Variants in SUN1 observed in about 807,000 individuals in gnomAD.
The protein encoded by SUN1 is SUN domain-containing protein 1.
Under a neutral mutation model 103.2 loss-of-function variants are expected in SUN1, and 61 were observed. The observed-to-expected ratio is 0.59, with a 90% CI of 0.48 to 0.73. The LOEUF (loss-of-function observed/expected upper bound fraction) is 0.73. SUN1 is among the 30% of genes least tolerant of loss of function. SUN1 has a pLI of 0.00. For missense variants in SUN1, 1,052 were observed against 1,034.6 expected, an observed-to-expected ratio of 1.02 and a Z score of -0.23; for synonymous variants, 490 against 425.7, an observed-to-expected ratio of 1.15 and a Z score of -1.86.
At chr7:821,361 G>A (rs538185592) in intron 1 of SUN1, among the ~76,000 whole-genome samples, 3 of 152,036 alleles carry the variant, frequency 2.0e-5, no homozygotes, top group Middle Eastern at 6.8e-3. Flanking sequence ...GTAGAGACAA[G>A]GTTTCACCAT....
At chr7:856,433 C>A in intron 12 of SUN1, 32 bp downstream of exon 12, 1 of 1,613,128 alleles carries the variant, frequency 6.2e-7, no homozygotes, top group South Asian at 1.1e-5. Flanking sequence ...TCACTTTTGT[C>A]TTCGGTGTGT....
At chr7:827,981 C>T (rs565621499), upstream of SUN1, among the ~76,000 whole-genome samples, 110 of 151,766 alleles carry the variant, frequency 7.2e-4, 1 homozygote, top group African/African-American at 2.3e-3. Context: ...ATGGGCTCAC[C>T]GCAACCTGCG....
intron 1 of SUN1, among the ~76,000 whole-genome samples, chr7:825,184 G>A (rs976438958): frequency 4.0e-5 from 6 of 151,642 alleles, no homozygotes; most frequent in East Asian, 1.9e-4. Flanking sequence ...TCAGCCTCCC[G>A]AGTAGCTGGG....
Position 869,493 on chromosome 7 carries a change from GC to G in SUN1, c.2130del (p.Lys711ArgfsTer8). 1 of 1,613,612 alleles carries G rather than the reference GC, an allele frequency of 6.2e-7. No homozygotes were observed. The highest frequency in any genetic ancestry group is 8.5e-7 in the Non-Finnish European group (1 of 1,179,756). ...TLSPTGNISSAPKDFAVYGLE... is the reference protein window; with the variant it reads ...TLSPTGNISSXPKDFAVYGLE... ...GTCGCCAACAGGCAACATCAGCAGCGCCCCCAAGGACTTCGCCGTCTATGTG... is the reference window on the plus strand; with the variant it reads ...GTCGCCAACAGGCAACATCAGCAGCGCCCCAAGGACTTCGCCGTCTATGTG... On this transcript the variant is annotated frameshift_variant, in exon 17 of 19. Coordinates refer to ENST00000401592, the MANE Select transcript of SUN1 (RefSeq NM_001130965.3). LOFTEE classifies it high-confidence loss of function.
At chr7:835,916 T>G (rs1203118810) in intron 1 of SUN1, among the ~76,000 whole-genome samples, 1 of 152,148 alleles carries the variant, frequency 6.6e-6, no homozygotes, top group Non-Finnish European at 1.5e-5. Context: ...GTGTTGGCTG[T>G]GGAAGCCGAA....
chr7:857,654 T>G (rs1340130196), intron 12 of SUN1, among the ~76,000 whole-genome samples, 174 bp from the exon 13 acceptor site: 1 of 152,226 alleles, frequency 6.6e-6, no homozygotes, highest in Admixed American at 6.5e-5. Context: ...ACAACCTCTC[T>G]GGGAACTGTA....
rs2128400420 is a variant in SUN1 at position 853,424 on chromosome 7, T to C, written c.1069T>C (p.Phe357Leu). The change falls in exon 10 of 19, where the codon TTT becomes CTT. Residue 357 changes from phenylalanine to leucine, a missense_variant. Coordinates refer to ENST00000401592, the MANE Select transcript of SUN1 (RefSeq NM_001130965.3). ...KQPLQGDSEAFPWHWMSGVEQ... is the reference protein window; with the variant it reads ...KQPLQGDSEALPWHWMSGVEQ... ...GCCATTTCAGGGTGACAGTGAGGCT[T>C]TTCCGTGGCATTGGATGAGTGGCGT... The C allele has an allele frequency of 2.5e-6, 4 of 1,613,848 alleles. No individual in the cohort carries two copies. Among genetic ancestry groups the C allele is most frequent in the Non-Finnish European group, 3.4e-6 (4 of 1,180,036 alleles).
rs1411580371 is a variant in SUN1, at chr7:842,071, G to A, written c.392G>A (p.Arg131Gln). ...AGCCTGCAGGATGCTGTGACTCGACGGCCTCCTGTATTGGACGAGTCTTGG... is the reference window on the plus strand; with the variant it reads ...AGCCTGCAGGATGCTGTGACTCGACAGCCTCCTGTATTGGACGAGTCTTGG... ...TVSLQDAVTRRPPVLDESWIR... is the reference protein window; with the variant it reads ...TVSLQDAVTRQPPVLDESWIR... Residue 131 changes from arginine to glutamine, a missense_variant, in exon 3 of 19, where the codon CGG (arginine) becomes CAG (glutamine). Physicochemically the swap from Arg to Gln is conservative, Grantham distance 43. Transcript: ENST00000401592. 8.1e-6 allele frequency: 13 copies of A among 1,614,100 alleles called. No individual in the cohort carries two copies. The highest frequency in any genetic ancestry group is 1.6e-4 in the Middle Eastern group (1 of 6,084).
At chr7:822,263 G>A (rs1221802219) in intron 1 of SUN1, among the ~76,000 whole-genome samples, 1 of 152,186 alleles carries the variant, frequency 6.6e-6, no homozygotes, top group East Asian at 1.9e-4. Context: ...GGTTTAAATT[G>A]TGTCTGTAAT....
chr7:816,568 C>T (rs1240550936), upstream of SUN1: 1 of 396,242 alleles, frequency 2.5e-6, no homozygotes, highest in Non-Finnish European at 5.0e-6. Flanking sequence ...GCCTGCGTTG[C>T]TCCCGCCCTC....
intron 3 of SUN1, 122 bp from the exon 4 acceptor site, chr7:843,084 C>G: frequency 7.3e-7 from 1 of 1,377,354 alleles, no homozygotes; most frequent in South Asian, 1.3e-5. Context: ...AAACTGTGAC[C>G]AGTGCCATAA....
At chr7:854,686 G>T (rs1825503375) in intron 10 of SUN1, among the ~76,000 whole-genome samples, 1 of 152,214 alleles carries the variant, frequency 6.6e-6, no homozygotes, top group Non-Finnish European at 1.5e-5. Flanking sequence ...GAGACCCATG[G>T]CCCAGGCTGG....
At position 844,595 on chromosome 7, in the gene SUN1, C is replaced by T. The variant is rs141924655; in HGVS notation, c.658+1075C>T. ...GTTATGGACACTGCTAGTGTTAATA[C>T]AGCACAATAAGAAAGTGTGAAAGGG... On this transcript the variant is annotated intron_variant, in intron 5 of 18. Coordinates refer to ENST00000401592, the MANE Select transcript of SUN1 (RefSeq NM_001130965.3). 2.1e-3 allele frequency among the ~76,000 whole-genome samples: 326 copies of T among 152,314 alleles called. 1 individual carries two copies. The highest frequency in any genetic ancestry group is 7.6e-3 in the African/African-American group (315 of 41,554).
intron 14 of SUN1, among the ~76,000 whole-genome samples, 179 bp downstream of exon 14, chr7:860,561 CT>C (rs1307301616): frequency 1.3e-5 from 2 of 152,210 alleles, no homozygotes; most frequent in African/African-American, 4.8e-5. Flanking sequence ...GAGGGGGCAC[CT>C]GTGCGGTGAG....
At chr7:869,879 C>A (rs982778610) in intron 17 of SUN1, among the ~76,000 whole-genome samples, 2 of 152,114 alleles carry the variant, frequency 1.3e-5, no homozygotes, top group African/African-American at 4.8e-5. Context: ...ACCCACCATT[C>A]ATACTGTGGT....
At chr7:832,171 A>G, upstream of SUN1, 4 of 837,816 alleles carry the variant, frequency 4.8e-6, no homozygotes, top group Non-Finnish European at 6.0e-6. Context: ...CACAGTGAGG[A>G]TTTAAAAACA....
intron 5 of SUN1, among the ~76,000 whole-genome samples, chr7:845,106 C>T (rs10276096): frequency 0.45 from 68,721 of 152,052 alleles, 15,619 homozygotes; most frequent in East Asian, 0.51. Flanking sequence ...TGAGAGAAGC[C>T]ACCGAAACGT....
chr7:850,935 T>C (rs982974524), intron 5 of SUN1, among the ~76,000 whole-genome samples: 2 of 152,216 alleles, frequency 1.3e-5, no homozygotes, highest in Non-Finnish European at 2.9e-5. Flanking sequence ...TATTAGCCTT[T>C]AGAATAATGT....
At chr7:862,917 C>A (rs186932205) in intron 15 of SUN1, among the ~76,000 whole-genome samples, 40 of 152,230 alleles carry the variant, frequency 2.6e-4, no homozygotes, top group Admixed American at 1.7e-3. Flanking sequence ...TTTAGGAGAC[C>A]AAGGCAGGCA....
Sources: allele counts gnomAD v4.1 joint callset (sites outside exome capture counted in the v4.1 genomes callset), GRCh38; gene constraint gnomAD v4.1.1; transcripts MANE v1.5; gene names NCBI Gene and HGNC (gene_info 2026-07-23, HGNC 2026-07-21).